HCRTR2: variants seen among roughly 807,000 people sequenced by gnomAD.
The protein encoded by HCRTR2 is hypocretin receptor 2.
A neutral mutation model predicts 49.0 loss-of-function variants in HCRTR2; 22 were observed. The observed-to-expected ratio is 0.45, with a 90% CI of 0.32 to 0.64. The LOEUF (loss-of-function observed/expected upper bound fraction) is 0.64, where lower values mean the gene tolerates loss of function less well. Among genes scored for constraint, HCRTR2 ranks in the 30% least tolerant of loss-of-function variants. HCRTR2 has a pLI of 0.04. For missense variants in HCRTR2, 491 were observed against 559.4 expected (o/e 0.88, Z 1.23); for synonymous variants, 236 against 205.3 (o/e 1.15, Z -1.28).
intron 4 of HCRTR2, among the ~76,000 whole-genome samples, chr6:55,272,789 A>T (rs1766998133): frequency 6.6e-6 from 1 of 151,966 alleles, no homozygotes; most frequent in African/African-American, 2.4e-5. Context: ...ATGTGCAAAA[A>T]ATGAGAGAAC....
intron 1 of HCRTR2, among the ~76,000 whole-genome samples, chr6:55,115,504 GTGTGT>G (rs1419347438): frequency 6.6e-6 from 1 of 150,782 alleles, no homozygotes; most frequent in Admixed American, 6.6e-5. Flanking sequence ...GTGTGTGTGT[GTGTGT>G]GTGGTAGTAG....
chr6:55,283,839 C>G (rs772172510), downstream of HCRTR2, among the ~76,000 whole-genome samples: 2 of 152,152 alleles, frequency 1.3e-5, no homozygotes, highest in South Asian at 2.1e-4. Context: ...AGTAAAAGAG[C>G]CTAATTATCC....
At chr6:55,241,697 A>G (rs1766334699) in intron 1 of HCRTR2, among the ~76,000 whole-genome samples, 1 of 152,034 alleles carries the variant, frequency 6.6e-6, no homozygotes, top group East Asian at 1.9e-4. Context: ...GGTTTTTGGA[A>G]AAATTGTGTT....
intron 1 of HCRTR2, among the ~76,000 whole-genome samples, chr6:55,241,208 T>C (rs1766326171): frequency 6.8e-6 from 1 of 147,654 alleles, no homozygotes. Flanking sequence ...CACCTATGAG[T>C]GAGAATATGC....
chr6:55,259,975 A>G (rs1158027721), intron 3 of HCRTR2, among the ~76,000 whole-genome samples: 1 of 152,136 alleles, frequency 6.6e-6, no homozygotes, highest in Admixed American at 6.6e-5. Context: ...TATTCAAACA[A>G]TCTATCCTAC....
intron 4 of HCRTR2, among the ~76,000 whole-genome samples, chr6:55,265,075 A>G (rs1486294471): frequency 6.6e-6 from 1 of 152,136 alleles, no homozygotes; most frequent in Non-Finnish European, 1.5e-5. Context: ...GCTATTACAA[A>G]GAAGTCATTT....
intron 1 of HCRTR2, among the ~76,000 whole-genome samples, chr6:55,218,910 A>G (rs1765839087): frequency 6.6e-6 from 1 of 152,110 alleles, no homozygotes; most frequent in Non-Finnish European, 1.5e-5. Flanking sequence ...TGCAATCTCC[A>G]CTTCCCAGAC....
At chr6:55,277,659 A>AATTT in intron 5 of HCRTR2, 59 bp downstream of exon 5, 1 of 1,156,706 alleles carries the variant, frequency 8.6e-7, no homozygotes, top group Non-Finnish European at 1.2e-6. Context: ...TTCTTAATTA[A>AATTT]CTTTTTTTTT....
rs770172433 is a variant in HCRTR2, at chr6:55,174,716, G to A, written c.129G>A (p.Leu43=). The change falls in exon 1 of 7, where the codon CTG becomes CTA. Residue 43 remains leucine, a synonymous_variant. Coordinates refer to ENST00000370862, the MANE Select transcript of HCRTR2 (RefSeq NM_001384272.1). Reference sequence around the variant, plus strand: ...ACGACGAGGAATTCCTGCGGTACCTGTGGAGGGAATACCTGCACCCGAAAG... The same window carrying A: ...ACGACGAGGAATTCCTGCGGTACCTATGGAGGGAATACCTGCACCCGAAAG... ...DYDDEEFLRY[L]WREYLHPKEY... The A allele has an allele frequency of 6.2e-7, 1 of 1,614,116 alleles. No individual in the cohort carries two copies. Among genetic ancestry groups the A allele is most frequent in the South Asian group, 1.1e-5 (1 of 91,080 alleles).
At chr6:55,120,567 G>T (rs1229339581) in intron 1 of HCRTR2, among the ~76,000 whole-genome samples, 2 of 146,862 alleles carry the variant, frequency 1.4e-5, no homozygotes, top group Non-Finnish European at 2.9e-5. Flanking sequence ...TGTTATTGTT[G>T]TATAGGAATG....
chr6:55,226,988 C>T (rs1002550340), intron 1 of HCRTR2, among the ~76,000 whole-genome samples: 32 of 151,936 alleles, frequency 2.1e-4, no homozygotes, highest in Non-Finnish European at 3.2e-4. Flanking sequence ...TCAAATTTAA[C>T]ACATCTATTT....
downstream of HCRTR2, among the ~76,000 whole-genome samples, chr6:55,284,556 T>C (rs1173684111): frequency 1.3e-5 from 2 of 152,164 alleles, no homozygotes; most frequent in Non-Finnish European, 2.9e-5. Flanking sequence ...ATAAAGTCTT[T>C]TACTGCACAG....
intron 1 of HCRTR2, among the ~76,000 whole-genome samples, chr6:55,211,071 C>T (rs1765688121): frequency 6.6e-6 from 1 of 152,136 alleles, no homozygotes; most frequent in Admixed American, 6.5e-5. Context: ...CAGTTACATG[C>T]TGTACAGGTT....
intron 4 of HCRTR2, among the ~76,000 whole-genome samples, chr6:55,268,677 A>C (rs1313879342): frequency 6.6e-6 from 1 of 152,208 alleles, no homozygotes; most frequent in Non-Finnish European, 1.5e-5. Context: ...AGTTGTAAAC[A>C]TACATGCATT....
intron 1 of HCRTR2, among the ~76,000 whole-genome samples, chr6:55,231,295 T>C (rs898007593): frequency 6.6e-6 from 1 of 152,160 alleles, no homozygotes; most frequent in African/African-American, 2.4e-5. Flanking sequence ...TCCCTTTTTA[T>C]TAAGTTTAAG....
intron 1 of HCRTR2, among the ~76,000 whole-genome samples, chr6:55,155,711 G>C (rs1274453209): frequency 6.6e-6 from 1 of 151,908 alleles, no homozygotes; most frequent in Non-Finnish European, 1.5e-5. Context: ...TAGAAAAAAA[G>C]TTTGTAAAGA....
intron 1 of HCRTR2, among the ~76,000 whole-genome samples, chr6:55,178,602 A>G (rs911250402): frequency 3.3e-5 from 5 of 152,226 alleles, no homozygotes; most frequent in Non-Finnish European, 7.3e-5. Context: ...TGTGGTGTAT[A>G]GCCAGCTTCT....
intron 5 of HCRTR2, among the ~76,000 whole-genome samples, chr6:55,278,713 C>T (rs1767127340): frequency 7.2e-6 from 1 of 138,958 alleles, no homozygotes; most frequent in African/African-American, 2.7e-5. Flanking sequence ...TCTTTTTGTG[C>T]TTTGCTTCTT....
At chr6:55,216,037 G>A (rs1307298261) in intron 1 of HCRTR2, among the ~76,000 whole-genome samples, 1 of 152,154 alleles carries the variant, frequency 6.6e-6, no homozygotes, top group African/African-American at 2.4e-5. Context: ...AACAGCAAGA[G>A]CCAAACTGGC....
Sources: gnomAD v4.1 joint callset for allele counts (sites outside exome capture counted in the v4.1 genomes callset) on GRCh38, gnomAD v4.1.1 for gene constraint, MANE v1.5 for transcripts, NCBI Gene and HGNC (gene_info 2026-07-23, HGNC 2026-07-21) for gene names.